UGT1A10: variants seen among roughly 807,000 people sequenced by gnomAD.
UGT1A10 encodes UDP-glucuronosyltransferase 1A10.
UGT1A10 carries 49 observed loss-of-function variants against 45.8 expected under a neutral mutation model. That is an observed-to-expected ratio of 1.07 (90% CI 0.85 to 1.36). The LOEUF (loss-of-function observed/expected upper bound fraction) is 1.36. Among genes scored for constraint, UGT1A10 ranks in the 40% most tolerant of loss-of-function variants. UGT1A10 has a pLI of 0.00. For synonymous variants in UGT1A10, 284 were observed against 249.7 expected (o/e 1.14, Z -1.29); for missense variants, 745 against 668.6 (o/e 1.11, Z -1.26).
intron 1 of UGT1A10, chr2:233,648,013 C>T (rs1281257521): frequency 8.7e-6 from 14 of 1,602,830 alleles, no homozygotes; most frequent in Non-Finnish European, 1.1e-5. Flanking sequence ...TGTAGTCAGG[C>T]CAGAGGTGAG....
chr2:233,645,730 C>T (rs1254842340), intron 1 of UGT1A10, among the ~76,000 whole-genome samples: 6 of 152,200 alleles, frequency 3.9e-5, no homozygotes, highest in Non-Finnish European at 5.9e-5. Context: ...GGCAGCTCCA[C>T]CCCTGTGGCT....
chr2:233,673,945 G>C (rs1236666863), intron 1 of UGT1A10, among the ~76,000 whole-genome samples: 1 of 152,132 alleles, frequency 6.6e-6, no homozygotes, highest in African/African-American at 2.4e-5. Context: ...GAGTAATATT[G>C]TGAGAGTAGC....
At chr2:233,651,257 T>C (rs1304472195) in intron 1 of UGT1A10, among the ~76,000 whole-genome samples, 1 of 152,158 alleles carries the variant, frequency 6.6e-6, no homozygotes, top group East Asian at 1.9e-4. Flanking sequence ...ATCCTGCCAC[T>C]TCCTGAACCC....
intron 1 of UGT1A10, among the ~76,000 whole-genome samples, chr2:233,709,507 T>C (rs1264085569): frequency 2.6e-5 from 4 of 152,174 alleles, no homozygotes; most frequent in Admixed American, 2.0e-4. Context: ...TGCCTCTTGC[T>C]CTCTTTTAGG....
chr2:233,644,746 G>A lies in UGT1A10; in HGVS notation c.855+7369G>A, dbSNP rs72984479. ...CACACCGCCACTGTGGGTTCAGGGG[G>A]TTGGGTGACATAGGAGATGCAGAAC... On this transcript the variant is annotated intron_variant, in intron 1 of 4. Coordinates refer to ENST00000344644, the MANE Select transcript of UGT1A10 (RefSeq NM_019075.4). Among the ~76,000 whole-genome samples the A allele has an allele frequency of 2.6e-3, 402 of 152,186 alleles. 1 individual carries two copies. The highest frequency in any genetic ancestry group is 4.5e-3 in the Non-Finnish European group (309 of 67,994).
At chr2:233,671,920 A>T in intron 1 of UGT1A10, 1 of 1,593,910 alleles carries the variant, frequency 6.3e-7, no homozygotes, top group East Asian at 2.2e-5. Context: ...GCTTGCTCTC[A>T]GCTGCAGTTC....
chr2:233,768,582 C>CTTTT (rs139595073), intron 4 of UGT1A10, 143 bp downstream of exon 4: 40 of 1,033,114 alleles, frequency 3.9e-5, no homozygotes, highest in African/African-American at 2.8e-4. Context: ...TTTATTTCTT[C>CTTTT]TTTTTTTTTT....
At chr2:233,761,229 T>C in intron 1 of UGT1A10, 2 of 1,613,382 alleles carry the variant, frequency 1.2e-6, no homozygotes, top group Non-Finnish European at 1.7e-6. Flanking sequence ...TAGCCCCAGA[T>C]ATATGCTGAG....
At chr2:233,724,917 C>T (rs1223036071) in intron 1 of UGT1A10, among the ~76,000 whole-genome samples, 1 of 141,476 alleles carries the variant, frequency 7.1e-6, no homozygotes, top group Non-Finnish European at 1.5e-5. Flanking sequence ...CCATTGAGCA[C>T]TGAGTGAACG....
At chr2:233,702,448 T>G (rs17863787) in intron 1 of UGT1A10, among the ~76,000 whole-genome samples, 44,666 of 152,028 alleles carry the variant, frequency 0.29, 6,753 homozygotes, top group South Asian at 0.36. Flanking sequence ...AGGATAACAT[T>G]TATTTCTTTT....
At chr2:233,734,048 T>C (rs547388406) in intron 1 of UGT1A10, among the ~76,000 whole-genome samples, 1 of 152,234 alleles carries the variant, frequency 6.6e-6, no homozygotes, top group East Asian at 1.9e-4. Flanking sequence ...ATGGCACATG[T>C]ATACATATGT....
intron 1 of UGT1A10, among the ~76,000 whole-genome samples, chr2:233,721,082 T>C (rs2125680652): frequency 6.6e-6 from 1 of 152,322 alleles, no homozygotes; most frequent in South Asian, 2.1e-4. Flanking sequence ...TGAACTTCCA[T>C]GAGTTTAGGT....
At chr2:233,755,745 G>A (rs1342193963) in intron 1 of UGT1A10, 2 of 152,826 alleles carry the variant, frequency 1.3e-5, no homozygotes, top group Non-Finnish European at 2.9e-5. Context: ...TTCCAGCCCC[G>A]GTGCCCATTT....
At chr2:233,759,349 A>T (rs900901642) in intron 1 of UGT1A10, among the ~76,000 whole-genome samples, 3 of 152,146 alleles carry the variant, frequency 2.0e-5, no homozygotes, top group African/African-American at 4.8e-5. Flanking sequence ...GAGCGCTGAA[A>T]ATCTCAACTA....
intron 1 of UGT1A10, among the ~76,000 whole-genome samples, chr2:233,736,004 C>T (rs1319353542): frequency 6.6e-6 from 1 of 152,188 alleles, no homozygotes; most frequent in Non-Finnish European, 1.5e-5. Context: ...TTGTTCTTCT[C>T]GAGGAGTATC....
intron 1 of UGT1A10, among the ~76,000 whole-genome samples, chr2:233,742,109 C>T (rs544656761): frequency 8.6e-5 from 13 of 151,972 alleles, no homozygotes; most frequent in Admixed American, 7.8e-4. Context: ...ACTGCCAAGA[C>T]CAGCTTGGTC....
At chr2:233,694,310 T>G (rs891942975) in intron 1 of UGT1A10, among the ~76,000 whole-genome samples, 9 of 152,004 alleles carry the variant, frequency 5.9e-5, no homozygotes, top group African/African-American at 1.9e-4. Flanking sequence ...TTTTGTTTTT[T>G]TTTTTCCTTT....
At chr2:233,646,503 A>C (rs1367239073) in intron 1 of UGT1A10, among the ~76,000 whole-genome samples, 1 of 152,136 alleles carries the variant, frequency 6.6e-6, no homozygotes, top group African/African-American at 2.4e-5. Flanking sequence ...ACAGCACCCA[A>C]ATCACCTCTT....
chr2:233,692,805 GT>G, intron 1 of UGT1A10: 1 of 1,407,880 alleles, frequency 7.1e-7, no homozygotes, highest in South Asian at 1.5e-5. Context: ...CACGGCCATA[GT>G]TGGTTCATAT....
Sources: allele counts gnomAD v4.1 joint callset (sites outside exome capture counted in the v4.1 genomes callset), GRCh38; gene constraint gnomAD v4.1.1; transcripts MANE v1.5; gene names NCBI Gene and HGNC (gene_info 2026-07-23, HGNC 2026-07-21).